RBFOX1: variants seen among roughly 807,000 people sequenced by gnomAD.
The protein encoded by RBFOX1 is RNA binding protein fox-1 homolog 1.
Under a neutral mutation model 57.7 loss-of-function variants are expected in RBFOX1, and 8 were observed. The ratio of observed to expected loss-of-function variants is 0.14; its 90% CI spans 0.08 to 0.25. RBFOX1 has a LOEUF of 0.25. RBFOX1 is among the 10% of genes least tolerant of loss of function. The probability of loss-of-function intolerance (pLI) is 1.00; values close to 1 mark genes in which losing one functional copy is unlikely to be tolerated. For synonymous variants in RBFOX1, 326 were observed against 222.4 expected (o/e 1.47, Z -4.15); for missense variants, 611 against 548.5 (o/e 1.11, Z -1.14).
intron 4 of RBFOX1, among the ~76,000 whole-genome samples, chr16:7,336,270 A>T (rs547859690): frequency 4.6e-5 from 7 of 152,328 alleles, no homozygotes; most frequent in African/African-American, 1.7e-4. Flanking sequence ...CTATTTGGTT[A>T]GTGTTTGGGT....
At chr16:6,491,347 A>T (rs1479841933) in intron 2 of RBFOX1, among the ~76,000 whole-genome samples, 1 of 152,176 alleles carries the variant, frequency 6.6e-6, no homozygotes, top group Admixed American at 6.5e-5. Context: ...TTTTAGAAAT[A>T]AAGATAACTA....
chr16:5,285,867 G>A (rs1367472439), intron 1 of RBFOX1, among the ~76,000 whole-genome samples: 1 of 152,152 alleles, frequency 6.6e-6, no homozygotes, highest in Admixed American at 6.5e-5. Context: ...TGCCTCCCGG[G>A]TTCAAGCGAT....
At chr16:6,841,877 G>A (rs1352093526) in intron 3 of RBFOX1, among the ~76,000 whole-genome samples, 1 of 151,992 alleles carries the variant, frequency 6.6e-6, no homozygotes, top group African/African-American at 2.4e-5. Context: ...GGTGGCTCAC[G>A]CCTGTAATCC....
At chr16:7,274,769 C>G (rs541767165) in intron 4 of RBFOX1, among the ~76,000 whole-genome samples, 1 of 152,202 alleles carries the variant, frequency 6.6e-6, no homozygotes, top group South Asian at 2.1e-4. Flanking sequence ...ACATCAATCT[C>G]TGCCTTCCAG....
intron 2 of RBFOX1, among the ~76,000 whole-genome samples, chr16:6,554,719 GACACAGAC>G (rs1179762332): frequency 1.4e-4 from 11 of 79,528 alleles, no homozygotes; most frequent in Non-Finnish European, 2.7e-4. Context: ...GCCTCCAGTA[GACACAGAC>G]ACACACACAC....
At chr16:7,354,659 G>T (rs543733370) in intron 4 of RBFOX1, among the ~76,000 whole-genome samples, 1 of 152,184 alleles carries the variant, frequency 6.6e-6, no homozygotes, top group Non-Finnish European at 1.5e-5. Context: ...GAAAGAATTA[G>T]GATATTTTAG....
intron 2 of RBFOX1, among the ~76,000 whole-genome samples, chr16:6,620,912 C>T (rs577077485): frequency 6.6e-6 from 1 of 152,196 alleles, no homozygotes. Context: ...TTACCACAAA[C>T]TGGTGGCTTA....
chr16:6,610,150 C>G (rs993859578), intron 2 of RBFOX1, among the ~76,000 whole-genome samples: 2 of 152,150 alleles, frequency 1.3e-5, no homozygotes, highest in African/African-American at 4.8e-5. Context: ...CACGTTGATT[C>G]TCAAAGCCTG....
intron 2 of RBFOX1, among the ~76,000 whole-genome samples, chr16:6,631,738 G>C (rs143329112): frequency 6.6e-6 from 1 of 152,144 alleles, no homozygotes; most frequent in Admixed American, 6.5e-5. Flanking sequence ...TGATGAGCTG[G>C]TGTCTGAACT....
intron 1 of RBFOX1, among the ~76,000 whole-genome samples, chr16:5,416,366 A>G (rs753354107): frequency 6.6e-6 from 1 of 152,192 alleles, no homozygotes. Flanking sequence ...CATTAGCTGT[A>G]TATACATATC....
chr16:5,605,203 A>C (rs1037562068), intron 3 of RBFOX1, among the ~76,000 whole-genome samples: 1 of 152,218 alleles, frequency 6.6e-6, no homozygotes, highest in Non-Finnish European at 1.5e-5. Flanking sequence ...GAGATGGGGC[A>C]GATTGGACTG....
intron 3 of RBFOX1, among the ~76,000 whole-genome samples, chr16:7,042,449 C>T (rs1363254229): frequency 6.6e-6 from 1 of 152,172 alleles, no homozygotes; most frequent in African/African-American, 2.4e-5. Flanking sequence ...CACTCTGTGC[C>T]TCAGTTTTTC....
intron 4 of RBFOX1, among the ~76,000 whole-genome samples, chr16:7,321,088 C>CATATACATATAT (rs1174953854): frequency 2.2e-5 from 3 of 134,536 alleles, no homozygotes; most frequent in Non-Finnish European, 4.8e-5. Context: ...TATACATATA[C>CATATACATATAT]ATATACATAT....
intron 3 of RBFOX1, among the ~76,000 whole-genome samples, chr16:6,700,698 A>T (rs1467719537): frequency 1.3e-5 from 2 of 152,132 alleles, no homozygotes; most frequent in Admixed American, 6.5e-5. Context: ...AAATTACCAT[A>T]AGTAGATTCG....
At chr16:7,149,240 G>A (rs1285139589) in intron 4 of RBFOX1, among the ~76,000 whole-genome samples, 1 of 152,032 alleles carries the variant, frequency 6.6e-6, no homozygotes, top group Non-Finnish European at 1.5e-5. Context: ...GTGCTGTTTT[G>A]ATCTGGTGGA....
chr16:5,799,399 T>C (rs983947452), intron 3 of RBFOX1, among the ~76,000 whole-genome samples: 9 of 152,130 alleles, frequency 5.9e-5, no homozygotes, highest in African/African-American at 1.9e-4. Context: ...GTGGAGAAGA[T>C]GACTGAAAAA....
chr16:5,309,842 G>C (rs925937121), intron 1 of RBFOX1, among the ~76,000 whole-genome samples: 1 of 152,202 alleles, frequency 6.6e-6, no homozygotes, highest in Non-Finnish European at 1.5e-5. Context: ...GACCCTCAAA[G>C]ACTTTGTTTC....
chr16:6,000,574 G>C (rs943143774), intron 4 of RBFOX1, among the ~76,000 whole-genome samples: 1 of 152,096 alleles, frequency 6.6e-6, no homozygotes, highest in Admixed American at 6.6e-5. Context: ...TGTATAACTA[G>C]CCAGCCTCTA....
At chr16:5,534,643 C>T (rs1372267038) in intron 2 of RBFOX1, among the ~76,000 whole-genome samples, 1 of 152,184 alleles carries the variant, frequency 6.6e-6, no homozygotes, top group African/African-American at 2.4e-5. Flanking sequence ...AGCATGCTGG[C>T]ATCCGATTAG....
Sources: gnomAD v4.1 joint callset for allele counts (sites outside exome capture counted in the v4.1 genomes callset) on GRCh38, gnomAD v4.1.1 for gene constraint, MANE v1.5 for transcripts, NCBI Gene and HGNC (gene_info 2026-07-23, HGNC 2026-07-21) for gene names.